Variants in CDK14 observed in about 807,000 individuals in gnomAD.
The protein encoded by CDK14 is cyclin dependent kinase 14.
Under a neutral mutation model 60.7 loss-of-function variants are expected in CDK14, and 34 were observed. That is an observed-to-expected ratio of 0.56 (90% CI 0.43 to 0.75). CDK14 has a LOEUF of 0.75. Among genes scored for constraint, CDK14 ranks in the 30% least tolerant of loss-of-function variants. The pLI is 0.00. For missense variants in CDK14, 482 were observed against 564.1 expected, an observed-to-expected ratio of 0.85 and a Z score of 1.47; for synonymous variants, 197 against 203.7, an observed-to-expected ratio of 0.97 and a Z score of 0.28.
chr7:90,737,753 G>C (rs1803181218), intron 3 of CDK14, among the ~76,000 whole-genome samples: 1 of 152,150 alleles, frequency 6.6e-6, no homozygotes, highest in African/African-American at 2.4e-5. Context: ...TTATTTAATG[G>C]AGTCACGTGG....
chr7:91,064,967 A>T (rs1797932649), intron 11 of CDK14, among the ~76,000 whole-genome samples: 1 of 152,352 alleles, frequency 6.6e-6, no homozygotes, highest in Non-Finnish European at 1.5e-5. Flanking sequence ...AGGTAGAGAA[A>T]GGTGTAGATG....
chr7:90,710,131 T>C, intron 2 of CDK14: 2 of 984,678 alleles, frequency 2.0e-6, no homozygotes, highest in South Asian at 4.7e-5. Context: ...AAAGGGGGTA[T>C]TTAAATTAGA....
intron 2 of CDK14, among the ~76,000 whole-genome samples, chr7:90,700,220 A>AGTAGCTGG (rs773100936): frequency 5.9e-5 from 9 of 152,100 alleles, no homozygotes; most frequent in Non-Finnish European, 1.3e-4. Flanking sequence ...TAGCCTCCCG[A>AGTAGCTGG]GTAGCTGGGA....
At chr7:91,147,160 T>TCTGG (rs1800672004) in intron 14 of CDK14, among the ~76,000 whole-genome samples, 1 of 107,680 alleles carries the variant, frequency 9.3e-6, no homozygotes, top group Non-Finnish European at 2.0e-5. Context: ...TCTCTCTCTC[T>TCTGG]CTCACACACA....
chr7:90,884,530 A>G (rs913372394), intron 6 of CDK14, among the ~76,000 whole-genome samples: 6 of 152,210 alleles, frequency 3.9e-5, no homozygotes, highest in Non-Finnish European at 7.3e-5. Context: ...TATAGATTCA[A>G]TGGTATCCCC....
intron 7 of CDK14, among the ~76,000 whole-genome samples, chr7:90,913,493 A>C (rs1279294708): frequency 6.6e-6 from 1 of 152,262 alleles, no homozygotes; most frequent in African/African-American, 2.4e-5. Flanking sequence ...TGTGCATAGC[A>C]CAAGGTCATC....
intron 3 of CDK14, among the ~76,000 whole-genome samples, chr7:90,741,188 C>G (rs1425457050): frequency 6.6e-6 from 1 of 152,166 alleles, no homozygotes; most frequent in Admixed American, 6.5e-5. Context: ...CAGCAGTTCC[C>G]TCAACATTTG....
chr7:90,968,549 T>C (rs566294738), intron 9 of CDK14, among the ~76,000 whole-genome samples: 1 of 152,312 alleles, frequency 6.6e-6, no homozygotes, highest in Non-Finnish European at 1.5e-5. Context: ...GATGTTTATA[T>C]AATTGAATTT....
At chr7:90,882,468 G>A (rs2117289034) in intron 6 of CDK14, among the ~76,000 whole-genome samples, 1 of 152,286 alleles carries the variant, frequency 6.6e-6, no homozygotes, top group East Asian at 1.9e-4. Flanking sequence ...GACCTATGAG[G>A]AGACTTACAC....
intron 14 of CDK14, among the ~76,000 whole-genome samples, chr7:91,149,551 A>G (rs541563794): frequency 9.9e-4 from 151 of 152,322 alleles, no homozygotes; most frequent in Non-Finnish European, 1.9e-3. Context: ...CATATGTTAC[A>G]ATCTTAGTGC....
intron 9 of CDK14, among the ~76,000 whole-genome samples, chr7:90,981,905 A>G (rs1795238098): frequency 1.3e-5 from 2 of 152,196 alleles, no homozygotes; most frequent in Non-Finnish European, 2.9e-5. Flanking sequence ...ATCTGCAGGA[A>G]TGTGTAGCCA....
intron 7 of CDK14, among the ~76,000 whole-genome samples, chr7:90,907,494 G>T (rs934688087): frequency 6.6e-6 from 1 of 152,014 alleles, no homozygotes; most frequent in African/African-American, 2.4e-5. Context: ...GTCCAGAAAT[G>T]TAGATGTTTG....
intron 7 of CDK14, among the ~76,000 whole-genome samples, chr7:90,915,658 C>G (rs1218294493): frequency 6.6e-6 from 1 of 152,110 alleles, no homozygotes; most frequent in African/African-American, 2.4e-5. Context: ...GATTTCTGGC[C>G]AAGATGATGA....
At chr7:90,641,187 A>G (rs1800320049) in intron 2 of CDK14, among the ~76,000 whole-genome samples, 1 of 152,074 alleles carries the variant, frequency 6.6e-6, no homozygotes, top group Non-Finnish European at 1.5e-5. Flanking sequence ...TGGGACTGCA[A>G]AATGATTCAC....
chr7:91,101,210 G>C (rs563893547), intron 12 of CDK14, among the ~76,000 whole-genome samples: 1 of 152,310 alleles, frequency 6.6e-6, no homozygotes, highest in South Asian at 2.1e-4. Flanking sequence ...TTTACCAACT[G>C]AGTAATGTAC....
At chr7:91,083,230 C>T (rs532089709) in intron 12 of CDK14, among the ~76,000 whole-genome samples, 1 of 152,118 alleles carries the variant, frequency 6.6e-6, no homozygotes, top group African/African-American at 2.4e-5. Context: ...CTATACATCA[C>T]TATTAAATGT....
rs1273728616 is a variant in CDK14, at chr7:91,207,542, T to C, written c.*406T>C. On this transcript the variant is annotated 3_prime_UTR_variant, in exon 15 of 15. Transcript: ENST00000380050. ...ACATTTGGTGTTCACACTTCTTCAG[T>C]AATGTCTGAACTTGAAAGCCACAGA... The C allele has an allele frequency of 6.5e-6, 1 of 152,692 alleles. No individual in the cohort carries two copies. The highest frequency in any genetic ancestry group is 1.5e-5 in the Non-Finnish European group (1 of 68,050). The allele number at this position is 152,692 out of a possible 1,614,324, so 9.5% of individuals were successfully genotyped here.
At chr7:90,765,072 C>T (rs141975559) in intron 4 of CDK14, among the ~76,000 whole-genome samples, 1 of 152,188 alleles carries the variant, frequency 6.6e-6, no homozygotes, top group African/African-American at 2.4e-5. Flanking sequence ...AGAGAGGAAC[C>T]AAGGGCTTTT....
intron 14 of CDK14, among the ~76,000 whole-genome samples, chr7:91,176,525 T>C (rs530304602): frequency 6.6e-6 from 1 of 151,848 alleles, no homozygotes; most frequent in East Asian, 1.9e-4. Flanking sequence ...CAGGAGCTGG[T>C]TTTTTGAAAG....
Sources: gnomAD v4.1 joint callset for allele counts (sites outside exome capture counted in the v4.1 genomes callset) on GRCh38, gnomAD v4.1.1 for gene constraint, MANE v1.5 for transcripts, NCBI Gene and HGNC (gene_info 2026-07-23, HGNC 2026-07-21) for gene names.